The following PLEKHH2 variants were observed in gnomAD, a reference collection of about 807,000 sequenced individuals.
PLEKHH2 encodes pleckstrin homology domain-containing family H member 2.
In PLEKHH2, 129 loss-of-function variants were observed where a neutral mutation model predicts 187.9. That is an observed-to-expected ratio of 0.69 (90% confidence interval 0.59 to 0.79). PLEKHH2 has a LOEUF of 0.79. Ranked by LOEUF, PLEKHH2 falls within the 30% of genes least tolerant of loss-of-function variation. The pLI is 0.00. For missense variants in PLEKHH2, 2,076 were observed against 1,751.2 expected, an observed-to-expected ratio of 1.19 and a Z score of -3.31; for synonymous variants, 686 against 605.6, an observed-to-expected ratio of 1.13 and a Z score of -1.95.
At chr2:43,687,860 G>T (rs570064886) in intron 3 of PLEKHH2, among the ~76,000 whole-genome samples, 1 of 152,116 alleles carries the variant, frequency 6.6e-6, no homozygotes, top group South Asian at 2.1e-4. Context: ...GCAGCAGCAT[G>T]ATCATGGCTC....
At chr2:43,748,508 C>T (rs115163723) in intron 24 of PLEKHH2, among the ~76,000 whole-genome samples, 3,255 of 152,330 alleles carry the variant, frequency 0.021, 50 homozygotes, top group Middle Eastern at 0.044. Flanking sequence ...CTCAGGACCA[C>T]GTGGAACATG....
intron 8 of PLEKHH2, among the ~76,000 whole-genome samples, chr2:43,703,628 G>A (rs1669500345): frequency 1.3e-5 from 2 of 152,060 alleles, no homozygotes; most frequent in Admixed American, 1.3e-4. Flanking sequence ...TCTCCCCACC[G>A]CCAACCATAT....
chr2:43,730,290 C>G (rs548380803), intron 18 of PLEKHH2, among the ~76,000 whole-genome samples: 4 of 152,262 alleles, frequency 2.6e-5, no homozygotes, highest in South Asian at 4.2e-4. Context: ...AGCTCATCAG[C>G]TATCATTAGT....
At chr2:43,684,618 G>A (rs1045250248) in intron 3 of PLEKHH2, among the ~76,000 whole-genome samples, 3 of 151,284 alleles carry the variant, frequency 2.0e-5, no homozygotes, top group South Asian at 2.1e-4. Context: ...CCTTGTTCCC[G>A]ATTCAAGGGA....
chr2:43,678,751 T>TGGAGGA, intron 2 of PLEKHH2, 112 bp from the exon 3 acceptor site: 1 of 676,904 alleles, frequency 1.5e-6, no homozygotes, highest in Non-Finnish European at 2.6e-6. Context: ...GAGGTGGAGG[T>TGGAGGA]GGAGGTGGAG....
In PLEKHH2 at chr2:43,753,767, T is replaced by A; in HGVS notation, c.3795+7T>A. On this transcript the variant is annotated splice_region_variant and intron_variant, in intron 25 of 29. Coordinates refer to ENST00000282406, the MANE Select transcript of PLEKHH2 (RefSeq NM_172069.4). ...GGCAGCTCTTTTATCTCAGGTAACT[T>A]CCATGTTATATGGAGTAATATATTG... The A allele has an allele frequency of 6.4e-7, 1 of 1,565,624 alleles. No homozygotes were observed.
At chr2:43,648,699 G>C (rs1251524035) in intron 2 of PLEKHH2, among the ~76,000 whole-genome samples, 1 of 151,518 alleles carries the variant, frequency 6.6e-6, no homozygotes, top group Non-Finnish European at 1.5e-5. Flanking sequence ...TCCCACCTCA[G>C]CCTCCCAAGT....
intron 14 of PLEKHH2, 43 bp downstream of exon 14, chr2:43,710,618 C>T: frequency 6.8e-7 from 1 of 1,464,942 alleles, no homozygotes; most frequent in Non-Finnish European, 9.1e-7. Context: ...TGTATCATGC[C>T]AGACTCAATT....
intron 6 of PLEKHH2, among the ~76,000 whole-genome samples, chr2:43,696,655 C>T (rs777744115): frequency 2.0e-5 from 3 of 152,196 alleles, no homozygotes; most frequent in Non-Finnish European, 4.4e-5. Flanking sequence ...ACCTCCCCAT[C>T]TACTTTTTTC....
At position 43,699,860 on chromosome 2, in the gene PLEKHH2, G is replaced by C. The variant is rs1334013673; in HGVS notation, c.902G>C (p.Arg301Thr). ...GGGAGCAAAGGAAGATCCAAGTCCA[G>C]ATGCACATCCACCCTCTCCAGTCAC... ...EDGSKGRSKSRCTSTLSSHTS... is the reference protein window; with the variant it reads ...EDGSKGRSKSTCTSTLSSHTS... Residue 301 changes from arginine (R) to threonine (T), a missense_variant, in exon 8 of 30, where the codon AGA becomes ACA. Arg to Thr is a moderately conservative substitution (Grantham distance 71). Transcript: ENST00000282406. 2 of 1,614,026 alleles carry C rather than the reference G, an allele frequency of 1.2e-6. No individual in the cohort carries two copies. The highest frequency in any genetic ancestry group is 1.7e-6 in the Non-Finnish European group (2 of 1,180,012).
At chr2:43,657,867 T>C (rs774207170) in intron 2 of PLEKHH2, among the ~76,000 whole-genome samples, 1 of 152,192 alleles carries the variant, frequency 6.6e-6, no homozygotes, top group Non-Finnish European at 1.5e-5. Flanking sequence ...TTATATTACC[T>C]GTGTGTCTTA....
At chr2:43,710,458 C>A (rs1174453040) in intron 13 of PLEKHH2, 31 bp from the exon 14 acceptor site, 1 of 1,587,146 alleles carries the variant, frequency 6.3e-7, no homozygotes, top group Non-Finnish European at 8.5e-7. Flanking sequence ...TAAAGTTAAT[C>A]ACTTTCCATT....
chr2:43,737,240 G>T (rs1032238401), intron 19 of PLEKHH2, among the ~76,000 whole-genome samples: 1 of 152,130 alleles, frequency 6.6e-6, no homozygotes, highest in Admixed American at 6.5e-5. Flanking sequence ...AAAAAGTCCA[G>T]TGCCCAAGAG....
chr2:43,665,558 T>C (rs1452340731), intron 2 of PLEKHH2, among the ~76,000 whole-genome samples: 2 of 110,046 alleles, frequency 1.8e-5, no homozygotes, highest in Non-Finnish European at 3.7e-5. Context: ...CTCTGCGTTT[T>C]AGAGTTTCCA....
chr2:43,682,825 A>C (rs1668272437), intron 3 of PLEKHH2, among the ~76,000 whole-genome samples: 2 of 152,050 alleles, frequency 1.3e-5, no homozygotes, highest in African/African-American at 4.8e-5. Context: ...TTTATATACT[A>C]TTTGATCTTT....
At chr2:43,734,076 TA>T (rs1671177242) in intron 19 of PLEKHH2, among the ~76,000 whole-genome samples, 1 of 152,208 alleles carries the variant, frequency 6.6e-6, no homozygotes, top group Non-Finnish European at 1.5e-5. Flanking sequence ...GGAACTTTTC[TA>T]AATTCAATTT....
chr2:43,744,634 G>A (rs1464838720), intron 23 of PLEKHH2, among the ~76,000 whole-genome samples: 1 of 151,282 alleles, frequency 6.6e-6, no homozygotes, highest in African/African-American at 2.4e-5. Context: ...TTGGGAGGCC[G>A]GGTCAGGTGG....
In PLEKHH2 at chr2:43,695,180, A is replaced by G. The variant is rs146121451; in HGVS notation, c.458A>G (p.Gln153Arg). The G allele has an allele frequency of 2.7e-4, 428 of 1,600,632 alleles. No homozygotes were observed. Among genetic ancestry groups the G allele is most frequent in the Non-Finnish European group, 3.5e-4 (409 of 1,171,666 alleles). ...LENQNLRLIN[Q>R]NQTEEIRTMQ... ...AATCAGAATCTTCGTTTGATCAACC[A>G]AAACCAAACTGAAGAGATAAGAACA... The change falls in exon 6 of 30, where the codon CAA becomes CGA. Residue 153 changes from glutamine (Q) to arginine (R), a missense_variant. Gln to Arg is a conservative substitution (Grantham distance 43). Transcript: ENST00000282406.
At chr2:43,756,891 A>G (rs150797715) in intron 25 of PLEKHH2, among the ~76,000 whole-genome samples, 63 of 152,130 alleles carry the variant, frequency 4.1e-4, no homozygotes, top group African/African-American at 1.4e-3. Flanking sequence ...AGAGGTTGCA[A>G]TGAGCCTGGG....
Sources: allele counts gnomAD v4.1 joint callset (sites outside exome capture counted in the v4.1 genomes callset), GRCh38; gene constraint gnomAD v4.1.1; transcripts MANE v1.5; gene names NCBI Gene and HGNC (gene_info 2026-07-23, HGNC 2026-07-21).